Variants in NXPH2 observed in about 807,000 individuals in gnomAD.
NXPH2 encodes the protein neurexophilin-2.
In NXPH2, 5 loss-of-function variants were observed where a neutral mutation model predicts 19.8. That is an observed-to-expected ratio of 0.25 (90% CI 0.13 to 0.53). The LOEUF is 0.53. Ranked by LOEUF, NXPH2 falls within the 20% of genes least tolerant of loss-of-function variation. The pLI is 0.96. For missense variants in NXPH2, 289 were observed against 322.8 expected (o/e 0.90, Z 0.80); for synonymous variants, 154 against 127.4 (o/e 1.21, Z -1.41).
At chr2:138,766,176 G>A (rs1036645335) in intron 1 of NXPH2, among the ~76,000 whole-genome samples, 1 of 152,154 alleles carries the variant, frequency 6.6e-6, no homozygotes. Flanking sequence ...CAAAGATATT[G>A]GTTGAACTGA....
intron 1 of NXPH2, among the ~76,000 whole-genome samples, chr2:138,778,678 C>CA (rs1444429793): frequency 6.6e-6 from 1 of 152,242 alleles, no homozygotes; most frequent in Non-Finnish European, 1.5e-5. Context: ...TCCTTACACA[C>CA]ACCATACAAA....
chr2:138,731,057 G>A lies in NXPH2; in HGVS notation c.51+49134C>T, dbSNP rs147705204. ...AGTTTCCCCTTTCATTGTCTTACAG[G>A]TCCCTGTTCCTCTCCTTCAGAGCTT... On this transcript the variant is annotated intron_variant, in intron 1 of 1. Transcript: ENST00000272641. 2.1e-3 allele frequency among the ~76,000 whole-genome samples: 325 copies of A among 152,104 alleles called. 1 individual carries two copies. The highest frequency in any genetic ancestry group is 7.4e-3 in the African/African-American group (308 of 41,490).
intron 1 of NXPH2, among the ~76,000 whole-genome samples, chr2:138,686,228 A>G (rs147669093): frequency 6.6e-6 from 1 of 152,254 alleles, no homozygotes; most frequent in African/African-American, 2.4e-5. Flanking sequence ...AGCCTTTTCT[A>G]CTTCTCTGGT....
At chr2:138,679,718 C>T (rs1044870733) in intron 1 of NXPH2, among the ~76,000 whole-genome samples, 4 of 152,136 alleles carry the variant, frequency 2.6e-5, no homozygotes, top group South Asian at 2.1e-4. Context: ...AATATATGCC[C>T]TTTCTGACTC....
At chr2:138,737,666 G>A (rs1681572212) in intron 1 of NXPH2, among the ~76,000 whole-genome samples, 1 of 152,186 alleles carries the variant, frequency 6.6e-6, no homozygotes, top group East Asian at 1.9e-4. Flanking sequence ...TCTCTCCCAA[G>A]TCAAGAGCAG....
At chr2:138,773,844 G>A (rs1330242154) in intron 1 of NXPH2, among the ~76,000 whole-genome samples, 1 of 152,112 alleles carries the variant, frequency 6.6e-6, no homozygotes, top group African/African-American at 2.4e-5. Flanking sequence ...AGACATTTAC[G>A]TGCTTACAGT....
intron 1 of NXPH2, among the ~76,000 whole-genome samples, chr2:138,707,094 C>CCAAAAAAAAAAAAAAAAAAAAA (rs1553482501): frequency 2.9e-5 from 1 of 34,842 alleles, no homozygotes. Context: ...TGCCCCATGA[C>CCAAAAAAAAAAAAAAAAAAAAA]AAAAAAAAAA....
chr2:138,770,249 A>T (rs1046511842), intron 1 of NXPH2, among the ~76,000 whole-genome samples: 36 of 152,168 alleles, frequency 2.4e-4, no homozygotes, highest in Admixed American at 2.2e-3. Context: ...TTTAATTCTA[A>T]TCCCACCATA....
At chr2:138,769,501 A>C (rs1682142263) in intron 1 of NXPH2, among the ~76,000 whole-genome samples, 1 of 152,250 alleles carries the variant, frequency 6.6e-6, no homozygotes, top group South Asian at 2.1e-4. Context: ...AAGAGTCCAT[A>C]AAATCAGAAT....
chr2:138,732,873 T>G (rs2105000829), intron 1 of NXPH2, among the ~76,000 whole-genome samples: 1 of 152,344 alleles, frequency 6.6e-6, no homozygotes, highest in South Asian at 2.1e-4. Flanking sequence ...CACATTTGAC[T>G]TAAAGCCAAA....
intron 1 of NXPH2, among the ~76,000 whole-genome samples, chr2:138,691,260 T>C (rs952174): frequency 0.027 from 4,105 of 152,268 alleles, 132 homozygotes; most frequent in East Asian, 0.15. Flanking sequence ...ACTTACAAAA[T>C]TGAGGCCCTT....
intron 1 of NXPH2, among the ~76,000 whole-genome samples, chr2:138,675,956 T>TATATAC (rs1491135260): frequency 8.6e-3 from 1 of 116 alleles, no homozygotes; most frequent in Non-Finnish European, 0.025. Flanking sequence ...TATATACATA[T>TATATAC]GTGTGTGTGT....
At chr2:138,745,916 G>A (rs544479848) in intron 1 of NXPH2, among the ~76,000 whole-genome samples, 2 of 152,186 alleles carry the variant, frequency 1.3e-5, no homozygotes, top group South Asian at 2.1e-4. Context: ...AATAATTAAA[G>A]AGTCATAACT....
intron 1 of NXPH2, among the ~76,000 whole-genome samples, chr2:138,703,231 A>G (rs12476351): frequency 0.5 from 76,329 of 152,042 alleles, 21,325 homozygotes; most frequent in South Asian, 0.75. Flanking sequence ...GTAGATATGG[A>G]ATGCATAATA....
intron 1 of NXPH2, among the ~76,000 whole-genome samples, chr2:138,763,215 A>G (rs951508254): frequency 1.2e-4 from 18 of 152,224 alleles, no homozygotes; most frequent in Non-Finnish European, 2.4e-4. Flanking sequence ...AAATCAATGA[A>G]GTAAGGAGAT....
At chr2:138,731,927 T>A (rs16841084) in intron 1 of NXPH2, among the ~76,000 whole-genome samples, 2 of 152,118 alleles carry the variant, frequency 1.3e-5, no homozygotes, top group Non-Finnish European at 2.9e-5. Context: ...TCACAAGATA[T>A]ACATTGCCTG....
intron 1 of NXPH2, among the ~76,000 whole-genome samples, chr2:138,776,103 C>G (rs372286673): frequency 6.6e-6 from 1 of 152,028 alleles, no homozygotes; most frequent in South Asian, 2.1e-4. Context: ...TACCACTAAA[C>G]GACTAAATCA....
chr2:138,709,015 C>CA (rs1294342531), intron 1 of NXPH2, among the ~76,000 whole-genome samples: 2 of 152,204 alleles, frequency 1.3e-5, no homozygotes, highest in African/African-American at 4.8e-5. Context: ...TTCTACCAAA[C>CA]AAAAAGCTTC....
intron 1 of NXPH2, among the ~76,000 whole-genome samples, chr2:138,721,971 C>T (rs948078257): frequency 4.8e-4 from 73 of 152,288 alleles, no homozygotes; most frequent in African/African-American, 1.7e-3. Context: ...AAGTCAGTTG[C>T]TTGATTCAGT....
Sources: allele counts gnomAD v4.1 joint callset (sites outside exome capture counted in the v4.1 genomes callset), GRCh38; gene constraint gnomAD v4.1.1; transcripts MANE v1.5; gene names NCBI Gene and HGNC (gene_info 2026-07-23, HGNC 2026-07-21).